VRK2: variants seen among roughly 807,000 people sequenced by gnomAD.
VRK2 encodes the protein serine/threonine-protein kinase VRK2.
Under a neutral mutation model 57.6 loss-of-function variants are expected in VRK2, and 60 were observed. The ratio of observed to expected loss-of-function variants is 1.04; its 90% confidence interval spans 0.85 to 1.29. VRK2 has a LOEUF of 1.29. VRK2 is among the 50% of genes most tolerant of loss of function. The pLI, the probability that VRK2 is intolerant of heterozygous loss-of-function variation, is 0.00. For synonymous variants in VRK2, 231 were observed against 199.2 expected, an observed-to-expected ratio of 1.16 and a Z score of -1.35; for missense variants, 705 against 588.1, an observed-to-expected ratio of 1.20 and a Z score of -2.06.
At chr2:58,078,614 A>G (rs1396630334) in intron 2 of VRK2, among the ~76,000 whole-genome samples, 4 of 152,126 alleles carry the variant, frequency 2.6e-5, no homozygotes, top group Non-Finnish European at 5.9e-5. Flanking sequence ...GATCCCATCA[A>G]CGGTGCACAA....
intron 1 of VRK2, among the ~76,000 whole-genome samples, chr2:57,959,584 G>A (rs762233858): frequency 2.0e-5 from 3 of 152,126 alleles, no homozygotes; most frequent in Non-Finnish European, 2.9e-5. Context: ...GTCAGGCATC[G>A]GATCGATACA....
intron 2 of VRK2, among the ~76,000 whole-genome samples, chr2:58,067,607 A>T (rs1668777741): frequency 6.6e-6 from 1 of 151,798 alleles, no homozygotes; most frequent in African/African-American, 2.4e-5. Flanking sequence ...CATTTCATTG[A>T]CTTCTGGTTA....
chr2:58,113,986 A>AT (rs1279337510), intron 7 of VRK2, among the ~76,000 whole-genome samples: 6 of 152,114 alleles, frequency 3.9e-5, no homozygotes, highest in Non-Finnish European at 8.8e-5. Flanking sequence ...CTTCAACAGG[A>AT]TTAGGGGCAG....
intron 1 of VRK2, among the ~76,000 whole-genome samples, chr2:57,916,414 A>AG (rs910140605): frequency 2.0e-5 from 3 of 150,826 alleles, no homozygotes; most frequent in African/African-American, 7.3e-5. Context: ...TCAGAGAAAA[A>AG]AAAAAAAAAA....
chr2:58,088,939 T>G (rs1287836514), intron 6 of VRK2, among the ~76,000 whole-genome samples: 1 of 152,248 alleles, frequency 6.6e-6, no homozygotes, highest in African/African-American at 2.4e-5. Context: ...GGCACACATT[T>G]GTTTATACTA....
intron 7 of VRK2, among the ~76,000 whole-genome samples, chr2:58,114,505 G>A (rs559273900): frequency 6.6e-6 from 1 of 152,346 alleles, no homozygotes; most frequent in Non-Finnish European, 1.5e-5. Flanking sequence ...GTCTATACAG[G>A]AGCTTAAATG....
intron 12 of VRK2, among the ~76,000 whole-genome samples, chr2:58,148,427 T>A (rs115781144): frequency 0.022 from 3,326 of 151,954 alleles, 121 homozygotes; most frequent in African/African-American, 0.077. Context: ...ATTATGGATA[T>A]CCTCTCCTAG....
chr2:57,974,897 G>T (rs1380448304), intron 1 of VRK2, among the ~76,000 whole-genome samples: 1 of 151,664 alleles, frequency 6.6e-6, no homozygotes. Flanking sequence ...TATACACACA[G>T]AAACTTAAAA....
chr2:58,119,498 T>C (rs1256637943), intron 7 of VRK2, among the ~76,000 whole-genome samples: 1 of 150,296 alleles, frequency 6.7e-6, no homozygotes, highest in Non-Finnish European at 1.5e-5. Context: ...AAAAAAAGCT[T>C]TTAGCATGCC....
rs1304493462 is a variant in VRK2 at position 58,054,031 on chromosome 2, A to G, written c.136+5064A>G. ...CGTTTGTTGGACTTACAGACAAGAA[A>G]TAAAAGTCTCTATAAGATGTATTTT... On this transcript the variant is annotated intron_variant, in intron 2 of 12. Coordinates refer to ENST00000340157, the MANE Select transcript of VRK2 (RefSeq NM_006296.7). Among the ~76,000 whole-genome samples, 7 of 152,272 alleles carry G rather than the reference A, an allele frequency of 4.6e-5. No homozygotes were observed. The South Asian group carries it at 1.5e-3, about 32-fold the overall frequency.
At chr2:57,966,294 G>T (rs1415116240) in intron 1 of VRK2, among the ~76,000 whole-genome samples, 1 of 152,164 alleles carries the variant, frequency 6.6e-6, no homozygotes, top group East Asian at 1.9e-4. Flanking sequence ...AGGATCAAGG[G>T]CAAGCAGCAA....
At chr2:57,972,524 C>A (rs1321045023) in intron 1 of VRK2, among the ~76,000 whole-genome samples, 6 of 151,748 alleles carry the variant, frequency 4.0e-5, no homozygotes, top group Middle Eastern at 3.2e-3. Context: ...GAAAGTTTAG[C>A]CAGTTTACTA....
intron 10 of VRK2, among the ~76,000 whole-genome samples, chr2:58,137,055 GTATA>G (rs1243973810): frequency 2.5e-5 from 3 of 122,298 alleles, no homozygotes; most frequent in African/African-American, 9.8e-5. Context: ...ATATATATGT[GTATA>G]TATCATATAT....
At chr2:58,024,349 T>C (rs753167441) in intron 1 of VRK2, among the ~76,000 whole-genome samples, 1 of 152,062 alleles carries the variant, frequency 6.6e-6, no homozygotes, top group Non-Finnish European at 1.5e-5. Flanking sequence ...AATTTAGAGG[T>C]AGATATGACA....
chr2:58,012,416 G>T (rs540039576), intron 1 of VRK2, among the ~76,000 whole-genome samples: 1 of 152,268 alleles, frequency 6.6e-6, no homozygotes, highest in Non-Finnish European at 1.5e-5. Context: ...CACCCTTTCA[G>T]CACTTCAATG....
chr2:58,050,335 G>C (rs1195469263), intron 2 of VRK2, among the ~76,000 whole-genome samples: 1 of 152,180 alleles, frequency 6.6e-6, no homozygotes, highest in Non-Finnish European at 1.5e-5. Flanking sequence ...CATATGCTCA[G>C]TAACTACATG....
At chr2:58,043,786 A>T (rs1674561874), upstream of VRK2, among the ~76,000 whole-genome samples, 1 of 152,296 alleles carries the variant, frequency 6.6e-6, no homozygotes, top group African/African-American at 2.4e-5. Flanking sequence ...TATATGTTTG[A>T]CACTATAAGA....
At chr2:58,061,625 C>G (rs1319600580) in intron 2 of VRK2, among the ~76,000 whole-genome samples, 4 of 151,628 alleles carry the variant, frequency 2.6e-5, no homozygotes, top group Non-Finnish European at 5.9e-5. Flanking sequence ...ATTTTATATT[C>G]CACAGTAAAA....
intron 2 of VRK2, among the ~76,000 whole-genome samples, chr2:58,076,685 AGAT>A: frequency 6.6e-6 from 1 of 151,960 alleles, no homozygotes; most frequent in East Asian, 1.9e-4. Context: ...TTAAGTTTAC[AGAT>A]GATAGTGTTT....
Sources: allele counts gnomAD v4.1 joint callset (sites outside exome capture counted in the v4.1 genomes callset), GRCh38; gene constraint gnomAD v4.1.1; transcripts MANE v1.5; gene names NCBI Gene and HGNC (gene_info 2026-07-23, HGNC 2026-07-21).